CUL3: variants seen among roughly 807,000 people sequenced by gnomAD.
The protein encoded by CUL3 is cullin-3.
Under a neutral mutation model 89.1 loss-of-function variants are expected in CUL3, and 19 were observed. The observed-to-expected ratio is 0.21, with a 90% CI of 0.15 to 0.31. The LOEUF (loss-of-function observed/expected upper bound fraction) is 0.31, where lower values mean the gene tolerates loss of function less well. CUL3 is among the 10% of genes least tolerant of loss of function. The probability of loss-of-function intolerance (pLI) is 1.00; values close to 1 mark genes in which losing one functional copy is unlikely to be tolerated. For synonymous variants in CUL3, 351 were observed against 308.4 expected (o/e 1.14, Z -1.45); for missense variants, 469 against 942.3 (o/e 0.50, Z 6.58).
At position 224,553,290 on chromosome 2, in the gene CUL3, T is replaced by C. The variant is rs770920765; in HGVS notation, c.264+4369A>G. On this transcript the variant is annotated intron_variant, in intron 2 of 15. Coordinates refer to ENST00000264414, the MANE Select transcript of CUL3 (RefSeq NM_003590.5). ...AACCTAATTCACTGTAAATAATCAA[T>C]GAACAGACATGCTGAAATTGCTACA... Among the ~76,000 whole-genome samples the C allele has an allele frequency of 2.7e-4, 41 of 152,322 alleles. No homozygotes were observed. In the Middle Eastern group the frequency reaches 0.014, roughly 51 times the overall value.
At chr2:224,574,157 A>G (rs1298680568) in intron 1 of CUL3, among the ~76,000 whole-genome samples, 5 of 152,330 alleles carry the variant, frequency 3.3e-5, no homozygotes, top group African/African-American at 1.2e-4. Flanking sequence ...ATATTTTCTT[A>G]AAGTAGGTAA....
chr2:224,478,528 C>T, intron 14 of CUL3, 183 bp from the exon 15 acceptor site: 1 of 449,922 alleles, frequency 2.2e-6, no homozygotes, highest in Non-Finnish European at 3.8e-6. Flanking sequence ...CTAAATTATC[C>T]TTTTCAAAAA....
chr2:224,550,652 T>G (rs1445406823), intron 2 of CUL3, among the ~76,000 whole-genome samples: 1 of 152,210 alleles, frequency 6.6e-6, no homozygotes, highest in East Asian at 1.9e-4. Context: ...GATCTTAGAT[T>G]TGTCCGTTTC....
chr2:224,489,604 T>C (rs1183158375), intron 13 of CUL3, among the ~76,000 whole-genome samples: 1 of 152,168 alleles, frequency 6.6e-6, no homozygotes, highest in African/African-American at 2.4e-5. Flanking sequence ...AAATATTCTA[T>C]GCTCATGGAT....
chr2:224,486,808 C>T (rs1175456803), intron 13 of CUL3, among the ~76,000 whole-genome samples: 1 of 152,072 alleles, frequency 6.6e-6, no homozygotes, highest in Admixed American at 6.5e-5. Flanking sequence ...CCCCAAGACA[C>T]ATAATCATCA....
chr2:224,475,249 C>G (rs1255075788), intron 15 of CUL3, among the ~76,000 whole-genome samples: 1 of 152,158 alleles, frequency 6.6e-6, no homozygotes, highest in Admixed American at 6.5e-5. Flanking sequence ...GATCTCCTGA[C>G]CTTGTGATCT....
chr2:224,571,020 T>C (rs1339737514), intron 1 of CUL3, among the ~76,000 whole-genome samples: 2 of 152,204 alleles, frequency 1.3e-5, no homozygotes, highest in African/African-American at 4.8e-5. Context: ...GAAAAAAAGG[T>C]ATGTATAACA....
intron 13 of CUL3, among the ~76,000 whole-genome samples, chr2:224,483,065 A>T (rs1022837525): frequency 7.9e-5 from 12 of 152,146 alleles, no homozygotes; most frequent in African/African-American, 2.9e-4. Context: ...GAGAAATGTG[A>T]TTTTCAGTGA....
At chr2:224,517,604 C>A (rs1433942879) in intron 3 of CUL3, among the ~76,000 whole-genome samples, 1 of 152,172 alleles carries the variant, frequency 6.6e-6, no homozygotes, top group Admixed American at 6.5e-5. Context: ...ACCCAGTAGA[C>A]AGAGGCTGCA....
chr2:224,509,903 G>A (rs1332426532), intron 6 of CUL3, among the ~76,000 whole-genome samples: 1 of 152,210 alleles, frequency 6.6e-6, no homozygotes, highest in African/African-American at 2.4e-5. Context: ...ATTAGAACCC[G>A]TGGGGCAAAT....
At chr2:224,562,763 A>G (rs1040573840) in intron 1 of CUL3, 5 of 152,674 alleles carry the variant, frequency 3.3e-5, no homozygotes, top group African/African-American at 1.2e-4. Flanking sequence ...TCAGTGGACT[A>G]ATGTCACATT....
intron 3 of CUL3, among the ~76,000 whole-genome samples, chr2:224,515,150 G>A (rs1194100284): frequency 1.3e-5 from 2 of 152,182 alleles, no homozygotes. Context: ...CATATTCTTT[G>A]AAGTAAAACT....
At chr2:224,497,213 G>C (rs566902246) in intron 12 of CUL3, among the ~76,000 whole-genome samples, 7 of 152,140 alleles carry the variant, frequency 4.6e-5, no homozygotes, top group African/African-American at 1.7e-4. Context: ...TTCATATCAA[G>C]TAATGAAAAT....
intron 3 of CUL3, 24 bp from the exon 4 acceptor site, chr2:224,514,796 T>C (rs1317097305): frequency 6.5e-7 from 1 of 1,533,354 alleles, no homozygotes; most frequent in Non-Finnish European, 9.0e-7. Context: ...CATATAAATA[T>C]GAGTACAGTT....
intron 9 of CUL3, among the ~76,000 whole-genome samples, chr2:224,503,291 G>A (rs551134953): frequency 6.6e-6 from 1 of 152,148 alleles, no homozygotes; most frequent in South Asian, 2.1e-4. Flanking sequence ...ATGAAAGGCA[G>A]GGCCCAGAAC....
intron 2 of CUL3, among the ~76,000 whole-genome samples, chr2:224,539,941 G>A (rs952909899): frequency 2.3e-4 from 35 of 152,060 alleles, no homozygotes; most frequent in African/African-American, 8.2e-4. Flanking sequence ...TGTCAATGTA[G>A]GTTCATCAAT....
intron 13 of CUL3, among the ~76,000 whole-genome samples, chr2:224,494,637 A>AT (rs1692099979): frequency 6.6e-6 from 1 of 152,154 alleles, no homozygotes; most frequent in Admixed American, 6.5e-5. Context: ...CGACAAGGTA[A>AT]TTCGGTGGGA....
At chr2:224,582,605 C>G (rs1011624215) in intron 1 of CUL3, among the ~76,000 whole-genome samples, 2 of 152,098 alleles carry the variant, frequency 1.3e-5, no homozygotes, top group African/African-American at 4.8e-5. Flanking sequence ...TTCAGAAAAA[C>G]CTGCAAAAGT....
At chr2:224,477,428 C>T (rs940299482) in intron 15 of CUL3, among the ~76,000 whole-genome samples, 1 of 152,196 alleles carries the variant, frequency 6.6e-6, no homozygotes, top group Non-Finnish European at 1.5e-5. Context: ...GCTCTCCATG[C>T]TAACACTGAG....
Sources: allele counts gnomAD v4.1 joint callset (sites outside exome capture counted in the v4.1 genomes callset), GRCh38; gene constraint gnomAD v4.1.1; transcripts MANE v1.5; gene names NCBI Gene and HGNC (gene_info 2026-07-23, HGNC 2026-07-21).